The following AGBL1 variants were observed in gnomAD, a reference collection of about 807,000 sequenced individuals.
The protein encoded by AGBL1 is AGBL carboxypeptidase 1, also known as cytosolic carboxypeptidase 4.
In AGBL1, 130 loss-of-function variants were observed where a neutral mutation model predicts 118.9. The ratio of observed to expected loss-of-function variants is 1.09; its 90% CI spans 0.95 to 1.26. The LOEUF (loss-of-function observed/expected upper bound fraction) is 1.26. Ranked by LOEUF, AGBL1 falls within the 50% of genes most tolerant of loss-of-function variation. AGBL1 has a pLI of 0.00. For missense variants in AGBL1, 1,584 were observed against 1,298.1 expected, an observed-to-expected ratio of 1.22 and a Z score of -3.38; for synonymous variants, 555 against 478.9, an observed-to-expected ratio of 1.16 and a Z score of -2.08.
chr15:86,601,317 A>C (rs542320148), intron 21 of AGBL1, among the ~76,000 whole-genome samples: 1 of 152,192 alleles, frequency 6.6e-6, no homozygotes, highest in African/African-American at 2.4e-5. Context: ...TGACTGGGCA[A>C]TACATTATTT....
At position 86,220,919 on chromosome 15, in the gene AGBL1, A is replaced by C. The variant is rs577658803; in HGVS notation, c.489-3995A>C. 1.8e-4 allele frequency among the ~76,000 whole-genome samples: 28 copies of C among 152,300 alleles called. 1 individual carries two copies. The highest frequency in any genetic ancestry group is 6.3e-4 in the African/African-American group (26 of 41,574). On this transcript the variant is annotated intron_variant, in intron 5 of 22. Transcript: ENST00000614907. ...CCAAGAAGTCCTCTTCAGGCCGTGC[A>C]CAGTGACTCATGGCTCATGCCTGTA...
At chr15:86,182,641 C>G (rs1449741435) in intron 5 of AGBL1, among the ~76,000 whole-genome samples, 1 of 152,084 alleles carries the variant, frequency 6.6e-6, no homozygotes, top group Non-Finnish European at 1.5e-5. Context: ...AATTGATTAC[C>G]TCCTTTTTTT....
intron 23 of AGBL1, among the ~76,000 whole-genome samples, chr15:86,944,988 T>G (rs540657166): frequency 6.6e-6 from 1 of 152,234 alleles, no homozygotes; most frequent in South Asian, 2.1e-4. Context: ...ATTATGAAAT[T>G]TGTCACATCA....
chr15:86,377,028 C>G (rs2081050940), intron 17 of AGBL1, among the ~76,000 whole-genome samples: 1 of 152,162 alleles, frequency 6.6e-6, no homozygotes, highest in South Asian at 2.1e-4. Flanking sequence ...TATGGGAAAG[C>G]CAGATAGAGT....
At chr15:86,785,582 G>T (rs1412403875) in intron 22 of AGBL1, among the ~76,000 whole-genome samples, 2 of 151,852 alleles carry the variant, frequency 1.3e-5, no homozygotes, top group South Asian at 4.2e-4. Context: ...TGGTCAGGCT[G>T]GTCTCGAACT....
At chr15:86,598,697 G>A (rs896417489) in intron 21 of AGBL1, among the ~76,000 whole-genome samples, 2 of 152,090 alleles carry the variant, frequency 1.3e-5, no homozygotes, top group Non-Finnish European at 2.9e-5. Flanking sequence ...GTGACTGTCT[G>A]CACAAGCAAT....
intron 22 of AGBL1, among the ~76,000 whole-genome samples, chr15:86,854,450 C>A (rs187806257): frequency 1.3e-4 from 20 of 152,266 alleles, no homozygotes; most frequent in African/African-American, 3.4e-4. Flanking sequence ...TGATGGGTGA[C>A]AGGAGGCCCA....
intron 21 of AGBL1, among the ~76,000 whole-genome samples, chr15:86,607,352 G>T (rs1227487542): frequency 6.6e-6 from 1 of 152,186 alleles, no homozygotes; most frequent in Non-Finnish European, 1.5e-5. Flanking sequence ...TCTCTTGAAT[G>T]AACCTCCTCT....
chr15:86,769,875 C>T (rs924969979), intron 22 of AGBL1, among the ~76,000 whole-genome samples: 4 of 151,812 alleles, frequency 2.6e-5, no homozygotes, highest in Admixed American at 6.6e-5. Context: ...GGAGAGCTTC[C>T]GAGAAAGGCA....
chr15:86,747,745 T>C (rs1283191181), intron 22 of AGBL1, among the ~76,000 whole-genome samples: 1 of 152,196 alleles, frequency 6.6e-6, no homozygotes, highest in Admixed American at 6.5e-5. Context: ...TTTCTGTTCT[T>C]GAGATACTTT....
chr15:86,761,129 T>C (rs1452915318), intron 22 of AGBL1, among the ~76,000 whole-genome samples: 1 of 152,072 alleles, frequency 6.6e-6, no homozygotes, highest in Admixed American at 6.6e-5. Flanking sequence ...TTTTTGCCTC[T>C]GATTACTTCC....
intron 16 of AGBL1, among the ~76,000 whole-genome samples, chr15:86,285,680 C>G (rs1367169516): frequency 6.6e-6 from 1 of 152,112 alleles, no homozygotes; most frequent in Admixed American, 6.6e-5. Flanking sequence ...TGAGAATGGA[C>G]TAATACAGTG....
At chr15:86,284,677 C>G (rs187596891) in intron 16 of AGBL1, among the ~76,000 whole-genome samples, 1 of 152,156 alleles carries the variant, frequency 6.6e-6, no homozygotes, top group African/African-American at 2.4e-5. Context: ...ACAGAGAGTG[C>G]AGCAGTTTAG....
intron 17 of AGBL1, among the ~76,000 whole-genome samples, chr15:86,388,807 C>A (rs1307311707): frequency 6.6e-6 from 1 of 152,150 alleles, no homozygotes; most frequent in African/African-American, 2.4e-5. Context: ...TAATTCCTGC[C>A]TTGCCTACTT....
At chr15:86,634,047 A>C (rs946979362) in intron 21 of AGBL1, among the ~76,000 whole-genome samples, 1 of 151,684 alleles carries the variant, frequency 6.6e-6, no homozygotes, top group Non-Finnish European at 1.5e-5. Flanking sequence ...GGCTGAAATA[A>C]AAAGACAGAA....
chr15:86,748,306 A>G (rs992301837), intron 22 of AGBL1, among the ~76,000 whole-genome samples: 12 of 151,598 alleles, frequency 7.9e-5, no homozygotes, highest in African/African-American at 1.2e-4. Context: ...CATATCCTTC[A>G]CCCACTTTTT....
rs537437711 is a variant in AGBL1 at position 86,141,578 on chromosome 15, G to T, written c.52-426G>T. 2.1e-4 allele frequency among the ~76,000 whole-genome samples: 32 copies of T among 152,324 alleles called. No individual in the cohort carries two copies. The East Asian group carries it at 3.9e-3, about 18-fold the overall frequency. On this transcript the variant is annotated intron_variant, in intron 1 of 22. Transcript: ENST00000614907. ...AGGCAGAAGAACTGCTTGAACCCGG[G>T]AGGTGGAAGTTGCAGTGAGTGGAGA...
intron 22 of AGBL1, among the ~76,000 whole-genome samples, chr15:86,899,205 G>A (rs12906509): frequency 0.26 from 40,270 of 152,090 alleles, 6,024 homozygotes; most frequent in African/African-American, 0.41. Flanking sequence ...CTATGCAGCC[G>A]TAAAAAAGAA....
chr15:86,339,770 C>T (rs897493498), intron 17 of AGBL1, among the ~76,000 whole-genome samples: 1 of 152,028 alleles, frequency 6.6e-6, no homozygotes, highest in Non-Finnish European at 1.5e-5. Context: ...AGATCAAGAC[C>T]ATCCTGGCCA....
Sources: gnomAD v4.1 joint callset for allele counts (sites outside exome capture counted in the v4.1 genomes callset) on GRCh38, gnomAD v4.1.1 for gene constraint, MANE v1.5 for transcripts, NCBI Gene and HGNC (gene_info 2026-07-23, HGNC 2026-07-21) for gene names.